The following PCDH7 variants were observed in gnomAD, a reference collection of about 807,000 sequenced individuals.
PCDH7 encodes protocadherin 7.
A neutral mutation model predicts 58.9 loss-of-function variants in PCDH7; 17 were observed. The ratio of observed to expected loss-of-function variants is 0.29; its 90% confidence interval spans 0.20 to 0.43. The LOEUF (loss-of-function observed/expected upper bound fraction) is 0.43, where lower values mean the gene tolerates loss of function less well. Ranked by LOEUF, PCDH7 falls within the 20% of genes least tolerant of loss-of-function variation. PCDH7 has a pLI of 1.00. For synonymous variants in PCDH7, 664 were observed against 616.4 expected (o/e 1.08, Z -1.14); for missense variants, 1,274 against 1,441.0 (o/e 0.88, Z 1.88).
chr4:30,838,881 A>T (rs148636588), intron 1 of PCDH7, among the ~76,000 whole-genome samples: 3 of 152,146 alleles, frequency 2.0e-5, no homozygotes, highest in African/African-American at 4.8e-5. Flanking sequence ...CATGTTGAAA[A>T]ATCTAACTAA....
In PCDH7 at chr4:30,888,842, AT is replaced by A. The variant is rs1462577371; in HGVS notation, c.71-31310del. Among the ~76,000 whole-genome samples, 14 of 152,088 alleles carry A rather than the reference AT, an allele frequency of 9.2e-5. No homozygotes were observed. In the East Asian group the frequency reaches 2.7e-3, roughly 29 times the overall value. ...TACACTATTTTATTGGATTTTGGAT[AT>A]GTTTAAAATTCTCCATAGTAAAACA... On this transcript the variant is annotated intron_variant, in intron 1 of 3. Transcript: ENST00000509759.
intron 1 of PCDH7, among the ~76,000 whole-genome samples, chr4:30,824,949 T>G (rs1022108788): frequency 6.6e-6 from 1 of 152,026 alleles, no homozygotes. Flanking sequence ...AGAGGATGAA[T>G]ACCCTGACAA....
At chr4:30,944,915 G>C (rs1240239083) in intron 2 of PCDH7, among the ~76,000 whole-genome samples, 1 of 152,042 alleles carries the variant, frequency 6.6e-6, no homozygotes, top group Non-Finnish European at 1.5e-5. Context: ...GATTTTTAGG[G>C]AGCAGGCTTG....
intron 3 of PCDH7, among the ~76,000 whole-genome samples, chr4:31,056,512 A>AGAAAGAAAGAAAGAAAGAAAGAAG (rs1560608886): frequency 9.9e-6 from 1 of 101,434 alleles, no homozygotes; most frequent in African/African-American, 4.0e-5. Context: ...AAAGAAAGAA[A>AGAAAGAAAGAAAGAAAGAAAGAAG]GAAAGGGGAA....
At chr4:30,890,261 G>T (rs1738437370) in intron 1 of PCDH7, among the ~76,000 whole-genome samples, 1 of 152,212 alleles carries the variant, frequency 6.6e-6, no homozygotes, top group Admixed American at 6.5e-5. Flanking sequence ...TGCATGCCAA[G>T]TGTGTCTGAC....
chr4:30,993,344 C>G (rs1425176384), intron 3 of PCDH7, among the ~76,000 whole-genome samples: 1 of 152,182 alleles, frequency 6.6e-6, no homozygotes, highest in Non-Finnish European at 1.5e-5. Flanking sequence ...ACATTCAAGT[C>G]TGGTCATGAT....
intron 1 of PCDH7, among the ~76,000 whole-genome samples, chr4:30,791,082 A>G (rs1393362968): frequency 1.3e-5 from 2 of 152,184 alleles, no homozygotes; most frequent in Non-Finnish European, 2.9e-5. Context: ...CATTTTGAAA[A>G]TGAGTATCTT....
At chr4:30,866,904 TC>T (rs1734954038) in intron 1 of PCDH7, among the ~76,000 whole-genome samples, 2 of 152,116 alleles carry the variant, frequency 1.3e-5, no homozygotes, top group Admixed American at 1.3e-4. Flanking sequence ...TTTTCCTTTT[TC>T]TTTTCCTTTC....
At position 31,097,608 on chromosome 4, in the gene PCDH7, ATATATATATATATATATATATATATAT is replaced by A. The variant is rs1295777985; in HGVS notation, c.*8-44864_*8-44838del. The stretch of plus-strand genomic sequence containing the variant: ...TATACATATATATATATATATATAT[ATATATATATATATATATATATATATAT>A]ATAAATCTTTTTTCTGTAATTTCTG... On this transcript the variant is annotated intron_variant, in intron 3 of 3. Transcript: ENST00000509759. 1.5e-3 allele frequency among the ~76,000 whole-genome samples: 47 copies of A among 31,196 alleles called. No individual in the cohort carries two copies. The East Asian group carries it at 0.021, about 14-fold the overall frequency. The allele number at this position is 31,196 out of a possible 152,430, so 20.5% of individuals were successfully genotyped here. A position where few individuals can be genotyped will look rare whatever the true frequency, so the allele number is the denominator to read the frequency against.
At chr4:31,008,615 A>G (rs879583591) in intron 3 of PCDH7, among the ~76,000 whole-genome samples, 1 of 152,082 alleles carries the variant, frequency 6.6e-6, no homozygotes, top group Non-Finnish European at 1.5e-5. Flanking sequence ...CCTCTTAAAA[A>G]AAATAGCAGC....
At chr4:31,081,249 T>C (rs561200459) in intron 3 of PCDH7, among the ~76,000 whole-genome samples, 25 of 152,352 alleles carry the variant, frequency 1.6e-4, no homozygotes, top group Non-Finnish European at 3.2e-4. Context: ...TTTGGTTATG[T>C]TTTCTAAATA....
intron 1 of PCDH7, among the ~76,000 whole-genome samples, chr4:30,834,547 C>T (rs1384814094): frequency 6.6e-6 from 1 of 152,008 alleles, no homozygotes; most frequent in African/African-American, 2.4e-5. Context: ...TGTTCCCCAA[C>T]TATGACACAC....
At chr4:30,776,212 T>TTAA (rs1305349360) in intron 1 of PCDH7, 5 of 152,252 alleles carry the variant, frequency 3.3e-5, no homozygotes, top group African/African-American at 7.2e-5. Flanking sequence ...ATCAGAGGTG[T>TTAA]ACCACATTCA....
intron 1 of PCDH7, among the ~76,000 whole-genome samples, chr4:30,867,258 T>G (rs1734994603): frequency 6.6e-6 from 1 of 152,070 alleles, no homozygotes; most frequent in Admixed American, 6.6e-5. Flanking sequence ...AGTCTCTGTA[T>G]GCTAAGGGAG....
intron 3 of PCDH7, among the ~76,000 whole-genome samples, chr4:31,035,751 GA>G: frequency 2.0e-5 from 3 of 152,318 alleles, no homozygotes; most frequent in Admixed American, 2.0e-4. Context: ...TCATTTAATA[GA>G]GGAAAATGGG....
intron 3 of PCDH7, among the ~76,000 whole-genome samples, chr4:31,078,349 A>G (rs930259279): frequency 2.6e-5 from 4 of 152,060 alleles, no homozygotes; most frequent in African/African-American, 7.2e-5. Flanking sequence ...GTGGTTCAAT[A>G]ATAGCTCATT....
chr4:30,740,061 C>T (rs543601068), intron 1 of PCDH7, among the ~76,000 whole-genome samples: 23 of 152,202 alleles, frequency 1.5e-4, no homozygotes, highest in African/African-American at 4.1e-4. Flanking sequence ...TTTTAGTTTT[C>T]GAAGCAATGT....
chr4:30,888,989 T>C (rs1738222833), intron 1 of PCDH7, among the ~76,000 whole-genome samples: 1 of 151,926 alleles, frequency 6.6e-6, no homozygotes, highest in Admixed American at 6.6e-5. Context: ...AAGAGCAACC[T>C]GGGCAATACA....
rs145139556 is a variant in PCDH7, at chr4:31,032,810, A to G, written c.*7+82595A>G. 9.2e-5 allele frequency among the ~76,000 whole-genome samples: 14 copies of G among 152,244 alleles called. No homozygotes were observed. In the East Asian group the frequency reaches 2.5e-3, roughly 27 times the overall value. On this transcript the variant is annotated intron_variant, in intron 3 of 3. Coordinates refer to the PCDH7 transcript ENST00000509759. ...CAAAATTCAAATCTTGAAACAATCC[A>G]TTTTATATGAAATTAGAAGATAAGA... is the stretch of plus-strand genomic sequence containing the variant.
Sources: allele counts gnomAD v4.1 joint callset (sites outside exome capture counted in the v4.1 genomes callset), GRCh38; gene constraint gnomAD v4.1.1; transcripts MANE v1.5; gene names NCBI Gene and HGNC (gene_info 2026-07-23, HGNC 2026-07-21).